Variants in EIF4G3 observed in about 807,000 individuals in gnomAD.
EIF4G3 encodes eIF-4-gamma 3.
EIF4G3 carries 34 observed loss-of-function variants against 186.4 expected under a neutral mutation model. That is an observed-to-expected ratio of 0.18 (90% confidence interval 0.14 to 0.24). The LOEUF is 0.24. EIF4G3 is among the 10% of genes least tolerant of loss of function. The probability of loss-of-function intolerance (pLI) is 1.00; values close to 1 mark genes in which losing one functional copy is unlikely to be tolerated. For missense variants in EIF4G3, 1,536 were observed against 1,948.5 expected (o/e 0.79, Z 3.99); for synonymous variants, 673 against 679.5 (o/e 0.99, Z 0.15).
chr1:21,041,183 T>C (rs1313810291), intron 4 of EIF4G3, among the ~76,000 whole-genome samples: 1 of 152,230 alleles, frequency 6.6e-6, no homozygotes, highest in Non-Finnish European at 1.5e-5. Context: ...TCCCCTTTCC[T>C]GACTTTCTCT....
At chr1:20,892,078 CAAAT>C (rs1185058133) in intron 18 of EIF4G3, among the ~76,000 whole-genome samples, 2 of 152,012 alleles carry the variant, frequency 1.3e-5, no homozygotes, top group Middle Eastern at 3.2e-3. Context: ...GGAAAATAAT[CAAAT>C]AATTTAAATA....
At chr1:21,155,280 A>AG (rs2097635038) in intron 2 of EIF4G3, among the ~76,000 whole-genome samples, 10 of 149,188 alleles carry the variant, frequency 6.7e-5, no homozygotes, top group Non-Finnish European at 3.0e-5. Flanking sequence ...AAAAAAAAAA[A>AG]AAAAAAGAAA....
intron 14 of EIF4G3, among the ~76,000 whole-genome samples, chr1:20,907,801 C>T (rs1208270899): frequency 1.3e-5 from 2 of 151,950 alleles, no homozygotes; most frequent in South Asian, 2.1e-4. Context: ...CATTGTTGGA[C>T]ATTTAGGTTG....
chr1:20,960,774 C>A (rs1399687718), intron 12 of EIF4G3, among the ~76,000 whole-genome samples: 1 of 151,752 alleles, frequency 6.6e-6, no homozygotes, highest in Admixed American at 6.6e-5. Flanking sequence ...ATAAATGAAA[C>A]AGAAAATTTA....
intron 14 of EIF4G3, among the ~76,000 whole-genome samples, chr1:20,918,270 C>T (rs936708553): frequency 6.6e-6 from 1 of 152,100 alleles, no homozygotes; most frequent in African/African-American, 2.4e-5. Context: ...AGTGCACTGG[C>T]GCAGTCACGG....
intron 4 of EIF4G3, among the ~76,000 whole-genome samples, chr1:21,007,256 G>A (rs2085356218): frequency 6.6e-6 from 1 of 151,880 alleles, no homozygotes; most frequent in African/African-American, 2.4e-5. Flanking sequence ...AAATTAGATG[G>A]GTGTGGTGGT....
intron 10 of EIF4G3, among the ~76,000 whole-genome samples, chr1:20,978,477 C>T (rs2077297616): frequency 6.6e-6 from 1 of 151,970 alleles, no homozygotes; most frequent in African/African-American, 2.4e-5. Flanking sequence ...CTGCAGTCAA[C>T]CAGTCTGAAA....
intron 3 of EIF4G3, among the ~76,000 whole-genome samples, chr1:21,083,977 C>T (rs2095874530): frequency 6.6e-6 from 1 of 152,100 alleles, no homozygotes; most frequent in South Asian, 2.1e-4. Context: ...ACATCCAAGA[C>T]ATCAACATAT....
At chr1:21,163,466 G>T (rs1357488591) in intron 2 of EIF4G3, among the ~76,000 whole-genome samples, 7 of 152,098 alleles carry the variant, frequency 4.6e-5, no homozygotes, top group Admixed American at 4.6e-4. Flanking sequence ...AATTATACAT[G>T]GACTAATTAA....
intron 14 of EIF4G3, among the ~76,000 whole-genome samples, chr1:20,924,477 T>C (rs966552927): frequency 3.3e-5 from 5 of 152,228 alleles, no homozygotes. Context: ...ATATTAGAAA[T>C]CATTCAAAAC....
chr1:20,972,039 A>G (rs977383237), intron 11 of EIF4G3, among the ~76,000 whole-genome samples: 9 of 152,132 alleles, frequency 5.9e-5, no homozygotes, highest in Non-Finnish European at 1.3e-4. Flanking sequence ...GAATAAAAAG[A>G]TCACCCATTT....
intron 2 of EIF4G3, among the ~76,000 whole-genome samples, chr1:21,097,020 G>GA (rs1227996240): frequency 6.6e-6 from 1 of 152,036 alleles, no homozygotes. Context: ...ACTGTACACC[G>GA]AAAAATGATT....
intron 2 of EIF4G3, among the ~76,000 whole-genome samples, chr1:21,133,356 C>G (rs2097186959): frequency 6.6e-6 from 1 of 152,126 alleles, no homozygotes; most frequent in African/African-American, 2.4e-5. Flanking sequence ...TCCGGAGTAG[C>G]TGGGACTACA....
chr1:20,824,357 T>A (rs559208339), intron 33 of EIF4G3, among the ~76,000 whole-genome samples: 1 of 152,230 alleles, frequency 6.6e-6, no homozygotes, highest in Admixed American at 6.5e-5. Flanking sequence ...TCAGATTGCA[T>A]TCTTGTTCTC....
At chr1:20,855,133 T>C in intron 25 of EIF4G3, 62 bp from the exon 26 acceptor site, 4 of 1,362,242 alleles carry the variant, frequency 2.9e-6, no homozygotes, top group Non-Finnish European at 2.0e-6. Context: ...GTTTTTCTTT[T>C]ATTTTTTTCT....
At chr1:21,007,440 A>G (rs2085422553) in intron 4 of EIF4G3, among the ~76,000 whole-genome samples, 1 of 139,926 alleles carries the variant, frequency 7.1e-6, no homozygotes. Flanking sequence ...CATTTTAAAC[A>G]TGCTTATCCC....
At position 20,807,232 on chromosome 1, in the gene EIF4G3, T is replaced by G. The variant is rs2058235999; in HGVS notation, c.*87A>C. 7 of 1,323,078 alleles carry G rather than the reference T, an allele frequency of 5.3e-6. No homozygotes were observed. The highest frequency in any genetic ancestry group is 6.2e-6 in the Non-Finnish European group (6 of 965,328). The allele number at this position is 1,323,078 out of a possible 1,614,324, so 82.0% of individuals were successfully genotyped here. A position where few individuals can be genotyped will look rare whatever the true frequency, so the allele number is the denominator to read the frequency against. ...GTGGGGGTTTCTGCGAGAATTGGCCTTGCTGCACTGTGATTGGCGAAGACG... is the reference window on the plus strand; with the variant it reads ...GTGGGGGTTTCTGCGAGAATTGGCCGTGCTGCACTGTGATTGGCGAAGACG... On this transcript the variant is annotated 3_prime_UTR_variant, in exon 37 of 37. Transcript: ENST00000602326.
intron 7 of EIF4G3, among the ~76,000 whole-genome samples, chr1:20,983,598 A>C (rs2078773454): frequency 6.6e-6 from 1 of 152,216 alleles, no homozygotes; most frequent in African/African-American, 2.4e-5. Flanking sequence ...CACAAGAATG[A>C]TACAAGCCTC....
Position 21,120,264 on chromosome 1 carries a change from C to T in EIF4G3, c.-271-31051G>A, listed in dbSNP as rs1190912536. ...CCTCTATTTCCTCTCAATTACACAT[C>T]ATTAAGTCTGTTCCAATTGAGTAAT... On this transcript the variant is annotated intron_variant, in intron 2 of 36. Transcript: ENST00000602326. Among the ~76,000 whole-genome samples the T allele has an allele frequency of 2.0e-5, 3 of 151,672 alleles. No individual in the cohort carries two copies. The Admixed American group carries it at 2.0e-4, about 10-fold the overall frequency.
Sources: allele counts gnomAD v4.1 joint callset (sites outside exome capture counted in the v4.1 genomes callset), GRCh38; gene constraint gnomAD v4.1.1; transcripts MANE v1.5; gene names NCBI Gene and HGNC (gene_info 2026-07-23, HGNC 2026-07-21).